ZNF438: variants seen among roughly 807,000 people sequenced by gnomAD.
The protein encoded by ZNF438 is zinc finger protein 438.
In ZNF438, 25 loss-of-function variants were observed where a neutral mutation model predicts 38.0. The ratio of observed to expected loss-of-function variants is 0.66; its 90% CI spans 0.48 to 0.92. The LOEUF (loss-of-function observed/expected upper bound fraction) is 0.92. ZNF438 is among the 40% of genes least tolerant of loss of function. The probability of loss-of-function intolerance (pLI) is 0.00; values close to 1 mark genes in which losing one functional copy is unlikely to be tolerated. For synonymous variants in ZNF438, 372 were observed against 364.1 expected (o/e 1.02, Z -0.25); for missense variants, 1,007 against 999.6 (o/e 1.01, Z -0.10).
chr10:31,023,131 T>C (rs2056720634), intron 1 of ZNF438, among the ~76,000 whole-genome samples: 1 of 152,230 alleles, frequency 6.6e-6, no homozygotes, highest in South Asian at 2.1e-4. Flanking sequence ...TTTGCTTGCC[T>C]TGTTCTATAA....
intron 3 of ZNF438, among the ~76,000 whole-genome samples, chr10:30,883,551 T>C (rs573546681): frequency 6.6e-6 from 1 of 152,296 alleles, no homozygotes; most frequent in African/African-American, 2.4e-5. Context: ...AATATAAAAA[T>C]TGCTTATGAC....
chr10:30,920,299 A>G (rs1045359862), intron 2 of ZNF438: 4 of 152,372 alleles, frequency 2.6e-5, no homozygotes, highest in Admixed American at 1.3e-4. Flanking sequence ...CCAAAGTGTC[A>G]CAGCAAGACA....
rs540281577 is a variant in ZNF438, at chr10:30,947,836, T to A, written c.-191-6185A>T. Among the ~76,000 whole-genome samples the A allele has an allele frequency of 2.6e-3, 395 of 152,216 alleles. 1 individual carries two copies. The highest frequency in any genetic ancestry group is 9.3e-3 in the African/African-American group (387 of 41,526). On this transcript the variant is annotated intron_variant, in intron 1 of 5. Coordinates refer to ENST00000413025, the Ensembl canonical transcript of ZNF438. ...TCTTTGACTCGGAAAGGGAACTCCCTGACCCCTTGCGCTTCCCAAGTGAGG... is the reference window on the plus strand; with the variant it reads ...TCTTTGACTCGGAAAGGGAACTCCCAGACCCCTTGCGCTTCCCAAGTGAGG...
chr10:30,915,282 G>GAGAAT (rs2043492291), intron 2 of ZNF438, among the ~76,000 whole-genome samples: 1 of 151,978 alleles, frequency 6.6e-6, no homozygotes, highest in Admixed American at 6.6e-5. Flanking sequence ...AATATTCATG[G>GAGAAT]TCATTCCTAT....
At chr10:30,991,591 G>C (rs1312208163) in intron 1 of ZNF438, among the ~76,000 whole-genome samples, 1 of 152,188 alleles carries the variant, frequency 6.6e-6, no homozygotes, top group Non-Finnish European at 1.5e-5. Context: ...TTCTACCTGT[G>C]GGGAGATGCA....
chr10:30,845,410 C>T lies in ZNF438; in HGVS notation c.2038G>A (p.Glu680Lys). Reference sequence around the variant, plus strand: ...CCCTTGCTTCCTGGGAAGGTCCCTTCTTGTAGCCTGCCCTCAATTTCCTCT... The same window carrying T: ...CCCTTGCTTCCTGGGAAGGTCCCTTTTTGTAGCCTGCCCTCAATTTCCTCT... Residue 680 changes from glutamate to lysine, a missense_variant, in exon 6 of 6, where the codon GAA becomes AAA. Glu to Lys is a moderately conservative substitution (Grantham distance 56). Transcript: ENST00000413025. 3 of 1,614,140 alleles carry T rather than the reference C, an allele frequency of 1.9e-6. No individual in the cohort carries two copies. The South Asian group carries it at 3.3e-5, about 18-fold the overall frequency.
chr10:30,859,362 G>A (rs2035210099), intron 4 of ZNF438, among the ~76,000 whole-genome samples: 1 of 152,178 alleles, frequency 6.6e-6, no homozygotes. Context: ...ACAGGCGTGA[G>A]CCACTGTGCC....
At chr10:30,940,921 C>CTATATA (rs139692208) in intron 2 of ZNF438, among the ~76,000 whole-genome samples, 13 of 151,360 alleles carry the variant, frequency 8.6e-5, no homozygotes, top group Admixed American at 2.6e-4. Flanking sequence ...CCTTAAAAAA[C>CTATATA]TATATATATA....
intron 2 of ZNF438, among the ~76,000 whole-genome samples, chr10:30,923,620 T>G (rs2044579135): frequency 1.3e-5 from 2 of 152,232 alleles, no homozygotes; most frequent in Admixed American, 1.3e-4. Context: ...TCATGAATCA[T>G]GCTTCCACAT....
At chr10:30,891,474 T>C (rs1448268469) in intron 3 of ZNF438, among the ~76,000 whole-genome samples, 1 of 152,212 alleles carries the variant, frequency 6.6e-6, no homozygotes, top group African/African-American at 2.4e-5. Context: ...ATTAAGTTTA[T>C]TTGATTTGTA....
At chr10:30,896,884 A>G (rs996155702) in intron 3 of ZNF438, among the ~76,000 whole-genome samples, 3 of 152,238 alleles carry the variant, frequency 2.0e-5, no homozygotes, top group Admixed American at 2.0e-4. Flanking sequence ...TAGTACTGAC[A>G]TGAAGCATAG....
chr10:30,899,327 T>C (rs1387384983), intron 3 of ZNF438, among the ~76,000 whole-genome samples: 1 of 152,212 alleles, frequency 6.6e-6, no homozygotes, highest in African/African-American at 2.4e-5. Context: ...ATCCACATCA[T>C]ACTTAGAAAC....
chr10:30,851,642 T>C (rs1002109146), intron 4 of ZNF438, among the ~76,000 whole-genome samples: 4 of 152,220 alleles, frequency 2.6e-5, no homozygotes, highest in Non-Finnish European at 5.9e-5. Flanking sequence ...TATTACCACT[T>C]CTGTAGCAAA....
intron 1 of ZNF438, among the ~76,000 whole-genome samples, chr10:31,007,276 GTTTTTT>G (rs60434764): frequency 1.8e-5 from 2 of 112,388 alleles, no homozygotes; most frequent in Admixed American, 8.9e-5. Context: ...TTTTTTTGGT[GTTTTTT>G]TTTTTTTTTT....
intron 3 of ZNF438, among the ~76,000 whole-genome samples, chr10:30,890,083 C>CAAAAAAAA (rs71863439): frequency 1.9e-4 from 18 of 93,378 alleles, no homozygotes; most frequent in African/African-American, 5.2e-4. Flanking sequence ...TTGGCATTTC[C>CAAAAAAAA]AAAAAAAAAA....
chr10:31,015,230 G>A (rs2056099715), intron 1 of ZNF438, among the ~76,000 whole-genome samples: 1 of 152,032 alleles, frequency 6.6e-6, no homozygotes, highest in African/African-American at 2.4e-5. Context: ...ATTGCTGATT[G>A]CCATTGTTAT....
At chr10:30,951,388 G>T (rs1277882552) in intron 1 of ZNF438, among the ~76,000 whole-genome samples, 8 of 150,920 alleles carry the variant, frequency 5.3e-5, no homozygotes, top group African/African-American at 1.5e-4. Flanking sequence ...AGTGTTGGAA[G>T]TTCTGGCCAG....
chr10:30,918,248 AT>A (rs1413566353), intron 2 of ZNF438, among the ~76,000 whole-genome samples: 6 of 152,152 alleles, frequency 3.9e-5, no homozygotes, highest in Middle Eastern at 6.8e-3. Flanking sequence ...GATTCGTCAG[AT>A]TTTCTCAGTC....
intron 1 of ZNF438, among the ~76,000 whole-genome samples, chr10:30,994,375 G>A (rs1431722921): frequency 1.3e-5 from 2 of 152,260 alleles, no homozygotes; most frequent in Non-Finnish European, 2.9e-5. Context: ...ACTGGGTCAT[G>A]AGGGTTCTGC....
Sources: allele counts gnomAD v4.1 joint callset (sites outside exome capture counted in the v4.1 genomes callset), GRCh38; gene constraint gnomAD v4.1.1; transcripts MANE v1.5; gene names NCBI Gene and HGNC (gene_info 2026-07-23, HGNC 2026-07-21).